ZNF765: variants seen among roughly 807,000 people sequenced by gnomAD.
The protein encoded by ZNF765 is zinc finger protein 765.
A neutral mutation model predicts 44.7 loss-of-function variants in ZNF765; 37 were observed. The observed-to-expected ratio is 0.83, with a 90% CI of 0.64 to 1.09. The LOEUF is 1.09. Ranked by LOEUF, ZNF765 falls within the 50% of genes least tolerant of loss-of-function variation. The pLI, the probability that ZNF765 is intolerant of heterozygous loss-of-function variation, is 0.00. For missense variants in ZNF765, 594 were observed against 626.1 expected, an observed-to-expected ratio of 0.95 and a Z score of 0.55; for synonymous variants, 201 against 213.7, an observed-to-expected ratio of 0.94 and a Z score of 0.52.
chr19:53,407,835 A>G lies in ZNF765; in HGVS notation c.280A>G (p.Ile94Val). 4.3e-6 allele frequency: 7 copies of G among 1,613,630 alleles called. No individual in the cohort carries two copies. The highest frequency in any genetic ancestry group is 5.9e-6 in the Non-Finnish European group (7 of 1,179,868). Residue 94 changes from isoleucine to valine, a missense_variant, in exon 4 of 4, where the codon ATT becomes GTT. By Grantham distance (29) the Ile-to-Val change is conservative (BLOSUM62 3). This residue lies in a region of ZNF765 where 567 missense variants were observed against 572.6 expected (regional missense o/e 0.99). Transcript: ENST00000396408. ...TTGTTTCCAGGATATTGATAAAGAT[A>G]TTCATGACATTGAGTTTCAGTGGCA... ...DFCFQDIDKD[I>V]HDIEFQWQED...
intron 3 of ZNF765, among the ~76,000 whole-genome samples, chr19:53,406,260 A>G (rs916253800): frequency 2.0e-5 from 3 of 150,920 alleles, no homozygotes; most frequent in Admixed American, 2.0e-4. Context: ...TGAACTCCTC[A>G]CCTCATGATC....
rs992422100 is a variant in ZNF765, at chr19:53,397,926, A to G, written c.-73-17A>G. 6.3e-7 allele frequency: 1 copy of G among 1,584,774 alleles called. No individual in the cohort carries two copies. Among genetic ancestry groups the G allele is most frequent in the Non-Finnish European group, 8.6e-7 (1 of 1,164,008 alleles). On this transcript the variant is annotated splice_polypyrimidine_tract_variant and intron_variant, in intron 1 of 3. Coordinates refer to ENST00000396408, the MANE Select transcript of ZNF765 (RefSeq NM_001040185.3). Reference sequence around the variant, plus strand: ...ATGTTGATTCTGAGCAATAAACAACATATTTCTAACATTCAGGATTGACTT... The same window carrying G: ...ATGTTGATTCTGAGCAATAAACAACGTATTTCTAACATTCAGGATTGACTT...
At position 53,408,021 on chromosome 19, in the gene ZNF765, A is replaced by G; in HGVS notation, c.466A>G (p.Thr156Ala). ...TCTGCCTGAACTGCACATATTTCACACTGAAGAGAAAATTGATAATCAAGT... is the reference window on the plus strand; with the variant it reads ...TCTGCCTGAACTGCACATATTTCACGCTGAAGAGAAAATTGATAATCAAGT... ...SHLPELHIFH[T>A]EEKIDNQVVK... The change falls in exon 4 of 4, where the codon ACT becomes GCT. Residue 156 changes from threonine to alanine, a missense_variant. Around this residue, in one of 2 missense-constraint regions of ZNF765, gnomAD observed 567 missense variants for 572.6 expected, o/e 0.99. Coordinates refer to ENST00000396408, the MANE Select transcript of ZNF765 (RefSeq NM_001040185.3). The G allele has an allele frequency of 1.2e-6, 2 of 1,614,204 alleles. No homozygotes were observed. Among genetic ancestry groups the G allele is most frequent in the Non-Finnish European group, 8.5e-7 (1 of 1,180,034 alleles).
rs2085747518 is a variant in ZNF765, at chr19:53,403,501, C to CA, written c.142+1311dup. Among the ~76,000 whole-genome samples the CA allele has an allele frequency of 5.3e-5, 8 of 152,322 alleles. No homozygotes were observed. The South Asian group carries it at 1.7e-3, about 32-fold the overall frequency. ...GAGTCTTACTCTGTCCCCAAGGCTA[C>CA]AGTTCAATGGTACGATCTTGGCTCA... On this transcript the variant is annotated intron_variant, in intron 3 of 3. Transcript: ENST00000396408.
chr19:53,413,116 G>GGA (rs2085846012), downstream of ZNF765: 1 of 339,528 alleles, frequency 2.9e-6, no homozygotes, highest in South Asian at 2.5e-5. Context: ...GTCTCAAAAA[G>GGA]AAAAAAAAAA....
chr19:53,409,624 A>G lies in ZNF765; in HGVS notation c.*497A>G, dbSNP rs1208908242. On this transcript the variant is annotated 3_prime_UTR_variant, in exon 4 of 4. Transcript: ENST00000396408. Reference sequence around the variant, plus strand: ...ACTGGAGAGAAACCATACAAGTGTAATGAGTGTGGCAAGACCTTTAGTCAG... The same window carrying G: ...ACTGGAGAGAAACCATACAAGTGTAGTGAGTGTGGCAAGACCTTTAGTCAG... The G allele has an allele frequency of 6.9e-7, 1 of 1,459,792 alleles. No individual in the cohort carries two copies. Among genetic ancestry groups the G allele is most frequent in the Admixed American group, 1.7e-5 (1 of 59,272 alleles). 90.4% of individuals were successfully genotyped at this position (1,459,792 alleles called of 1,614,324 possible).
chr19:53,399,849 T>C (rs1415918871), intron 2 of ZNF765, among the ~76,000 whole-genome samples: 1 of 152,160 alleles, frequency 6.6e-6, no homozygotes, highest in Non-Finnish European at 1.5e-5. Flanking sequence ...AGTTTTGCTC[T>C]TTTTGTCCAG....
intron 3 of ZNF765, among the ~76,000 whole-genome samples, chr19:53,405,744 T>C (rs955355427): frequency 5.9e-5 from 9 of 151,292 alleles, no homozygotes; most frequent in African/African-American, 2.2e-4. Flanking sequence ...TTTTGGCCAA[T>C]ATGAACATTC....
chr19:53,414,034 A>T (rs555996892), downstream of ZNF765, among the ~76,000 whole-genome samples: 1 of 149,478 alleles, frequency 6.7e-6, no homozygotes, highest in African/African-American at 2.5e-5. Flanking sequence ...TGAGGTTGGG[A>T]CTTTGAGACC....
chr19:53,410,140 A>G lies in ZNF765; in HGVS notation c.*1013A>G, dbSNP rs1456134071. The G allele has an allele frequency of 1.9e-5, 8 of 432,124 alleles. No individual in the cohort carries two copies. The highest frequency in any genetic ancestry group is 3.3e-5 in the Non-Finnish European group (7 of 212,468). The allele number at this position is 432,124 out of a possible 1,614,324, so 26.8% of individuals were successfully genotyped here. A position where few individuals can be genotyped will look rare whatever the true frequency, so the allele number is the denominator to read the frequency against. On this transcript the variant is annotated 3_prime_UTR_variant, in exon 4 of 4. Coordinates refer to ENST00000396408, the MANE Select transcript of ZNF765 (RefSeq NM_001040185.3). Reference sequence around the variant, plus strand: ...TTTCAGATTCAAATCAAACCTTGATAGTCATAGAATTCATACTAGAGAGAA... The same window carrying G: ...TTTCAGATTCAAATCAAACCTTGATGGTCATAGAATTCATACTAGAGAGAA...
Position 53,410,032 on chromosome 19 carries a change from T to G in ZNF765, c.*905T>G, listed in dbSNP as rs1025113823. On this transcript the variant is annotated 3_prime_UTR_variant, in exon 4 of 4. Coordinates refer to ENST00000396408, the MANE Select transcript of ZNF765 (RefSeq NM_001040185.3). Reference sequence around the variant, plus strand: ...ATAAATGCAGAATAAATGCAGAAAATTTTTCAGACATCCTTCATACCTTTG... The same window carrying G: ...ATAAATGCAGAATAAATGCAGAAAAGTTTTCAGACATCCTTCATACCTTTG... The G allele has an allele frequency of 2.0e-6, 1 of 490,366 alleles. No individual in the cohort carries two copies. The allele number at this position is 490,366 out of a possible 1,614,324, so 30.4% of individuals were successfully genotyped here.
chr19:53,404,366 G>C (rs555052491), intron 3 of ZNF765, among the ~76,000 whole-genome samples: 3 of 152,152 alleles, frequency 2.0e-5, no homozygotes, highest in Non-Finnish European at 2.9e-5. Context: ...GTGAACCACC[G>C]TGCCCGGCCT....
downstream of ZNF765, chr19:53,413,338 G>T (rs146046483): frequency 1.7e-6 from 1 of 582,630 alleles, no homozygotes; most frequent in Admixed American, 1.9e-5. Flanking sequence ...ATCAAGCTGG[G>T]TCTATAAGGA....
chr19:53,421,478 G>T (rs1218389411), intron 3 of ZNF765, among the ~76,000 whole-genome samples: 1 of 151,978 alleles, frequency 6.6e-6, no homozygotes, highest in East Asian at 1.9e-4. Context: ...AGAGGGGCTG[G>T]CCCCCTTCAG....
chr19:53,396,492 A>G (rs2147084855), intron 1 of ZNF765, among the ~76,000 whole-genome samples: 1 of 152,370 alleles, frequency 6.6e-6, no homozygotes, highest in Non-Finnish European at 1.5e-5. Flanking sequence ...ATGATTGGTC[A>G]CATAATCTAT....
At chr19:53,399,060 A>C (rs992146952) in intron 2 of ZNF765, among the ~76,000 whole-genome samples, 38 of 151,890 alleles carry the variant, frequency 2.5e-4, no homozygotes, top group African/African-American at 8.7e-4. Context: ...CCCAATGATT[A>C]TTATTAAATA....
At chr19:53,419,108 A>T (rs1443937922) in intron 3 of ZNF765, among the ~76,000 whole-genome samples, 2 of 152,078 alleles carry the variant, frequency 1.3e-5, no homozygotes, top group African/African-American at 4.8e-5. Context: ...GTTTAGTTTA[A>T]TCCTTCAATA....
At chr19:53,402,468 G>A (rs2147092148) in intron 3 of ZNF765, among the ~76,000 whole-genome samples, 1 of 152,030 alleles carries the variant, frequency 6.6e-6, no homozygotes, top group Admixed American at 6.5e-5. Flanking sequence ...CACCATGTTA[G>A]CCAGGATGGC....
At position 53,409,144 on chromosome 19, in the gene ZNF765, T is replaced by C; in HGVS notation, c.*17T>C. The C allele has an allele frequency of 6.3e-7, 1 of 1,596,514 alleles. No homozygotes were observed. The highest frequency in any genetic ancestry group is 8.6e-7 in the Non-Finnish European group (1 of 1,164,614). ...CACGTGTAATGAGTGTGGTAAGACC[T>C]TCAATCAGGAGTTAACCCTTACATG... On this transcript the variant is annotated 3_prime_UTR_variant, in exon 4 of 4. Transcript: ENST00000396408.
Sources: gnomAD v4.1 joint callset for allele counts (sites outside exome capture counted in the v4.1 genomes callset) on GRCh38, gnomAD v4.1.1 for gene constraint, gnomAD v4.1.1 regional missense constraint, MANE v1.5 for transcripts, NCBI Gene and HGNC (gene_info 2026-07-23, HGNC 2026-07-21) for gene names.